The following PIWIL4 variants were observed in gnomAD, a reference collection of about 807,000 sequenced individuals.
PIWIL4 encodes piwi-like protein 4.
PIWIL4 carries 50 observed loss-of-function variants against 100.9 expected under a neutral mutation model. The observed-to-expected ratio is 0.50, with a 90% CI of 0.39 to 0.63. PIWIL4 has a LOEUF of 0.63. Among genes scored for constraint, PIWIL4 ranks in the 20% least tolerant of loss-of-function variants. The probability of loss-of-function intolerance (pLI) is 0.00; values close to 1 mark genes in which losing one functional copy is unlikely to be tolerated. For missense variants in PIWIL4, 887 were observed against 1,043.3 expected (o/e 0.85, Z 2.06); for synonymous variants, 342 against 367.5 (o/e 0.93, Z 0.79).
intron 10 of PIWIL4, among the ~76,000 whole-genome samples, chr11:94,596,548 A>G (rs981537953): frequency 6.6e-6 from 1 of 152,204 alleles, no homozygotes; most frequent in East Asian, 1.9e-4. Flanking sequence ...AAACATTTCC[A>G]TATGATAAAC....
In PIWIL4 at chr11:94,588,765, G is replaced by A. The variant is rs150242950; in HGVS notation, c.915-356G>A. On this transcript the variant is annotated intron_variant, in intron 7 of 19. Coordinates refer to ENST00000299001, the MANE Select transcript of PIWIL4 (RefSeq NM_152431.3). ...TACCTGGGAGGTCAGAAACTCTTGA[G>A]TGACACCAGAAGATAATGGGAAAGT... 1.4e-3 allele frequency among the ~76,000 whole-genome samples: 206 copies of A among 152,266 alleles called. 2 individuals carry two copies. The highest frequency in any genetic ancestry group is 4.7e-3 in the African/African-American group (196 of 41,550).
chr11:94,578,311 T>A (rs778453836), intron 4 of PIWIL4, among the ~76,000 whole-genome samples: 1 of 152,232 alleles, frequency 6.6e-6, no homozygotes, highest in African/African-American at 2.4e-5. Flanking sequence ...CCGATCTGAA[T>A]GCAATGAATT....
Position 94,577,430 on chromosome 11 carries a change from T to A in PIWIL4, c.451T>A (p.Ser151Thr), listed in dbSNP as rs1300117276. 1 of 1,613,972 alleles carries A rather than the reference T, an allele frequency of 6.2e-7. No individual in the cohort carries two copies. Among genetic ancestry groups the A allele is most frequent in the Non-Finnish European group, 8.5e-7 (1 of 1,180,012 alleles). ...IALLYSHSEL[S>T]NKAKAFDGAI... is the part of the protein sequence containing the mutation. ...TTTACTTTATAGTCATAGTGAACTT[T>A]CCAACAAAGCAAAAGCATTCGACGG... The change falls in exon 4 of 20, where the codon TCC (serine) becomes ACC (threonine). Residue 151 changes from serine to threonine, a missense_variant. Transcript: ENST00000299001.
chr11:94,593,719 A>G, intron 9 of PIWIL4, 78 bp downstream of exon 9: 1 of 1,478,946 alleles, frequency 6.8e-7, no homozygotes. Context: ...GACCCTCTTT[A>G]AGTTACATGA....
At chr11:94,579,686 G>A (rs970216744) in intron 4 of PIWIL4, among the ~76,000 whole-genome samples, 1 of 152,140 alleles carries the variant, frequency 6.6e-6, no homozygotes, top group African/African-American at 2.4e-5. Context: ...ATTGGATATG[G>A]AACATTAAAA....
intron 11 of PIWIL4, 62 bp downstream of exon 11, chr11:94,597,977 C>A: frequency 7.6e-7 from 1 of 1,311,536 alleles, no homozygotes; most frequent in Non-Finnish European, 1.1e-6. Flanking sequence ...AAGTTTTGTG[C>A]ATTGGCCAGA....
rs1259884450 is a variant in PIWIL4 at position 94,575,136 on chromosome 11, C to G, written c.298+6C>G. The stretch of plus-strand genomic sequence containing the variant: ...TGTGAGAAATTGTAAAACAGGTACC[C>G]AGTTTTATGTCACTTACTTTTTTAA... On this transcript the variant is annotated splice_donor_region_variant and intron_variant, in intron 3 of 19. Coordinates refer to ENST00000299001, the MANE Select transcript of PIWIL4 (RefSeq NM_152431.3). 2 of 1,612,218 alleles carry G rather than the reference C, an allele frequency of 1.2e-6. No homozygotes were observed. The highest frequency in any genetic ancestry group is 1.7e-6 in the Non-Finnish European group (2 of 1,179,512).
intron 9 of PIWIL4, among the ~76,000 whole-genome samples, chr11:94,593,924 G>T (rs1235864631): frequency 6.6e-6 from 1 of 152,158 alleles, no homozygotes; most frequent in Non-Finnish European, 1.5e-5. Context: ...GTATAGGAAG[G>T]AATGTGACTC....
At chr11:94,609,168 A>G (rs1009188532) in intron 15 of PIWIL4, among the ~76,000 whole-genome samples, 1 of 152,230 alleles carries the variant, frequency 6.6e-6, no homozygotes, top group African/African-American at 2.4e-5. Context: ...ACTATTTCAT[A>G]AGGCATTTAT....
rs1212729432 is a variant in PIWIL4 at position 94,595,433 on chromosome 11, G to C, written c.1268+7G>C. The C allele has an allele frequency of 1.2e-6, 2 of 1,608,174 alleles. No homozygotes were observed. The highest frequency in any genetic ancestry group is 1.7e-6 in the Non-Finnish European group (2 of 1,175,882). ...TTGTGGACAACATCCAGAGGTACTGGATCACCGCATGCATCCTTCCTGGGG... is the reference window on the plus strand; with the variant it reads ...TTGTGGACAACATCCAGAGGTACTGCATCACCGCATGCATCCTTCCTGGGG... On this transcript the variant is annotated splice_region_variant and intron_variant, in intron 10 of 19. Transcript: ENST00000299001.
At chr11:94,620,784 CTG>C in intron 19 of PIWIL4, 90 bp from the exon 20 acceptor site, 1 of 891,510 alleles carries the variant, frequency 1.1e-6, no homozygotes, top group Non-Finnish European at 1.8e-6. Context: ...ATTCTATTAT[CTG>C]TGTAACCAGT....
intron 12 of PIWIL4, among the ~76,000 whole-genome samples, chr11:94,602,360 C>T (rs1330831669): frequency 6.6e-6 from 1 of 152,136 alleles, no homozygotes; most frequent in Non-Finnish European, 1.5e-5. Flanking sequence ...ACAGAAGTTG[C>T]ATGTCCTGAC....
intron 6 of PIWIL4, among the ~76,000 whole-genome samples, chr11:94,586,662 GAAC>G (rs1285333302): frequency 2.6e-5 from 4 of 152,134 alleles, no homozygotes; most frequent in South Asian, 4.1e-4. Context: ...CCTCTTCAGG[GAAC>G]ATTTTGTATT....
chr11:94,593,620 C>A lies in PIWIL4; in HGVS notation c.1129C>A (p.Pro377Thr). The A allele has an allele frequency of 1.2e-6, 2 of 1,613,922 alleles. No individual in the cohort carries two copies. Among genetic ancestry groups the A allele is most frequent in the East Asian group, 2.2e-5 (1 of 44,876 alleles). The stretch of plus-strand genomic sequence containing the variant: ...TGAGGCTCAGCTCGCCCACCTGATA[C>A]CTGAGCTCTGCTTTCTAACAGGTAA... ...NSEAQLAHLI[P>T]ELCFLTGLTD... The change falls in exon 9 of 20, where the codon CCT becomes ACT. Residue 377 changes from proline (P) to threonine (T), a missense_variant. Physicochemically the swap from Pro to Thr is conservative, Grantham distance 38 (BLOSUM62 -1). Around this residue, in one of 2 missense-constraint regions of PIWIL4, gnomAD observed 741 missense variants for 930.0 expected, o/e 0.80. Coordinates refer to ENST00000299001, the MANE Select transcript of PIWIL4 (RefSeq NM_152431.3).
At chr11:94,588,592 G>C (rs1223294131) in intron 7 of PIWIL4, among the ~76,000 whole-genome samples, 1 of 152,228 alleles carries the variant, frequency 6.6e-6, no homozygotes, top group Non-Finnish European at 1.5e-5. Context: ...AGGCTACACA[G>C]TGCTGAAGGG....
intron 15 of PIWIL4, among the ~76,000 whole-genome samples, chr11:94,613,278 T>C (rs1456032859): frequency 6.6e-6 from 1 of 152,236 alleles, no homozygotes; most frequent in African/African-American, 2.4e-5. Flanking sequence ...ACTTGGAATA[T>C]ATCATCTCAT....
intron 13 of PIWIL4, among the ~76,000 whole-genome samples, chr11:94,605,922 C>T (rs695043): frequency 0.51 from 78,231 of 152,070 alleles, 22,475 homozygotes; most frequent in African/African-American, 0.79. Context: ...CACTTTCTTA[C>T]TTTCTGGCAA....
chr11:94,603,209 G>A (rs903729238), intron 12 of PIWIL4, among the ~76,000 whole-genome samples: 2 of 139,840 alleles, frequency 1.4e-5, no homozygotes, highest in East Asian at 2.5e-4. Flanking sequence ...GAGACGGTTC[G>A]GCCAGCCAGT....
intron 1 of PIWIL4, 43 bp downstream of exon 1, chr11:94,567,648 C>G (rs77281497): frequency 6.5e-7 from 1 of 1,534,646 alleles, no homozygotes; most frequent in Non-Finnish European, 8.8e-7. Flanking sequence ...TTTCTCCTAC[C>G]TCTGTCTCTA....
Sources: gnomAD v4.1 joint callset for allele counts (sites outside exome capture counted in the v4.1 genomes callset) on GRCh38, gnomAD v4.1.1 for gene constraint, gnomAD v4.1.1 regional missense constraint, MANE v1.5 for transcripts, NCBI Gene and HGNC (gene_info 2026-07-23, HGNC 2026-07-21) for gene names.